ANK1: variants seen among roughly 807,000 people sequenced by gnomAD.
The protein encoded by ANK1 is ankyrin-1.
Under a neutral mutation model 210.4 loss-of-function variants are expected in ANK1, and 51 were observed. The ratio of observed to expected loss-of-function variants is 0.24; its 90% CI spans 0.19 to 0.31. The LOEUF is 0.31. ANK1 is among the 10% of genes least tolerant of loss of function. The pLI is 1.00. For missense variants in ANK1, 2,051 were observed against 2,504.4 expected (o/e 0.82, Z 3.86); for synonymous variants, 967 against 1,025.9 (o/e 0.94, Z 1.10).
At chr8:41,705,874 T>A (rs1824425331) in intron 18 of ANK1, among the ~76,000 whole-genome samples, 1 of 152,228 alleles carries the variant, frequency 6.6e-6, no homozygotes, top group Non-Finnish European at 1.5e-5. Context: ...TGCTAACTAC[T>A]CATGTTAGAC....
intron 1 of ANK1, among the ~76,000 whole-genome samples, chr8:41,884,840 T>C (rs926287777): frequency 6.6e-6 from 1 of 151,622 alleles, no homozygotes; most frequent in Non-Finnish European, 1.5e-5. Context: ...TCAAAATAAA[T>C]AAACAAACAA....
intron 1 of ANK1, among the ~76,000 whole-genome samples, chr8:41,859,840 C>T (rs191341162): frequency 2.6e-5 from 4 of 152,320 alleles, no homozygotes; most frequent in South Asian, 4.2e-4. Context: ...CCAGGCTGGC[C>T]GCAGCAACAA....
chr8:41,695,385 C>A, intron 26 of ANK1, 54 bp from the exon 27 acceptor site: 1 of 1,611,868 alleles, frequency 6.2e-7, no homozygotes, highest in East Asian at 2.2e-5. Context: ...GCAGGCAGGG[C>A]ACAGGGAGGG....
chr8:41,828,650 A>AT (rs2150795588), intron 1 of ANK1: 1 of 154,254 alleles, frequency 6.5e-6, no homozygotes, highest in African/African-American at 2.4e-5. Context: ...TGCCTCTGTT[A>AT]ATTTGATTGT....
intron 1 of ANK1, among the ~76,000 whole-genome samples, chr8:41,824,854 G>A (rs906044315): frequency 2.0e-5 from 3 of 152,210 alleles, no homozygotes; most frequent in Admixed American, 6.5e-5. Flanking sequence ...AAGGCAGGGG[G>A]TGTGGAGGGC....
At chr8:41,657,084 C>T (rs2150530414) in intron 42 of ANK1, among the ~76,000 whole-genome samples, 1 of 152,308 alleles carries the variant, frequency 6.6e-6, no homozygotes, top group South Asian at 2.1e-4. Flanking sequence ...GAGGTTCTGC[C>T]TGCCGCCCTC....
intron 1 of ANK1, among the ~76,000 whole-genome samples, chr8:41,788,503 A>G (rs13253960): frequency 0.45 from 68,028 of 152,028 alleles, 15,886 homozygotes; most frequent in African/African-American, 0.56. Flanking sequence ...GCCAGTCAAT[A>G]TCCCCAATAA....
At chr8:41,871,714 T>C (rs1435931848) in intron 1 of ANK1, among the ~76,000 whole-genome samples, 1 of 152,182 alleles carries the variant, frequency 6.6e-6, no homozygotes, top group Non-Finnish European at 1.5e-5. Context: ...ACAATAAATG[T>C]CTGCTGGTCA....
At chr8:41,734,796 A>T (rs1484076148) in intron 2 of ANK1, among the ~76,000 whole-genome samples, 1 of 151,970 alleles carries the variant, frequency 6.6e-6, no homozygotes, top group Non-Finnish European at 1.5e-5. Context: ...CCAGCTACTC[A>T]GGGGGCTGAG....
chr8:41,884,711 T>C (rs1818158753), intron 1 of ANK1, among the ~76,000 whole-genome samples: 1 of 152,122 alleles, frequency 6.6e-6, no homozygotes, highest in Non-Finnish European at 1.5e-5. Context: ...TGCGTGTCTG[T>C]AGTCCTAGCT....
At chr8:41,658,175 C>T (rs1585752702) in intron 42 of ANK1, among the ~76,000 whole-genome samples, 1 of 152,306 alleles carries the variant, frequency 6.6e-6, no homozygotes, top group East Asian at 1.9e-4. Context: ...CGGCCCTAGA[C>T]AGCCCTTTCA....
In ANK1 at chr8:41,699,449, C is replaced by T. The variant is rs1380792563; in HGVS notation, c.2558+3G>A. On this transcript the variant is annotated splice_donor_region_variant and intron_variant, in intron 23 of 42. Coordinates refer to ENST00000289734, the MANE Select transcript of ANK1 (RefSeq NM_000037.4). ...CGGGGACCCTCCCGGGAGCACTGCT[C>T]ACACTTGGTCTAGCTTCGGCACAAA... 2.6e-5 allele frequency: 42 copies of T among 1,613,922 alleles called. No homozygotes were observed. The Admixed American group carries it at 7.0e-4, about 27-fold the overall frequency.
chr8:41,736,009 T>C (rs954225872), intron 2 of ANK1, among the ~76,000 whole-genome samples: 7 of 151,928 alleles, frequency 4.6e-5, no homozygotes, highest in African/African-American at 1.7e-4. Context: ...CGCCTGAAAA[T>C]GACCACTGGC....
intron 24 of ANK1, chr8:41,697,678 G>A (rs540694007): frequency 5.2e-5 from 19 of 366,588 alleles, no homozygotes; most frequent in East Asian, 2.7e-4. Flanking sequence ...GAGCCTGTCC[G>A]GGGTGCACAG....
At chr8:41,796,427 C>A (rs1334050970) in intron 1 of ANK1, among the ~76,000 whole-genome samples, 8 of 151,870 alleles carry the variant, frequency 5.3e-5, no homozygotes, top group Admixed American at 5.2e-4. Flanking sequence ...TCACCCTGAA[C>A]CTCTGCCCTA....
intron 1 of ANK1, among the ~76,000 whole-genome samples, chr8:41,864,067 G>A (rs113423476): frequency 6.6e-6 from 1 of 152,136 alleles, no homozygotes; most frequent in Non-Finnish European, 1.5e-5. Flanking sequence ...TGGCTAGCAC[G>A]GTGAAACCCC....
At chr8:41,896,546 A>G (rs1385985661) in exon 1 of ANK1, 1 of 1,521,012 alleles carries the variant, frequency 6.6e-7, no homozygotes, top group Non-Finnish European at 8.8e-7. Context: ...CCGAGGCGAC[A>G]CCCCCTAAGA....
At chr8:41,706,096 G>A in intron 18 of ANK1, 47 bp downstream of exon 18, 1 of 1,552,176 alleles carries the variant, frequency 6.4e-7, no homozygotes, top group Non-Finnish European at 8.9e-7. Context: ...ATTCTGAAGT[G>A]TGAGCAAGGA....
Position 41,708,685 on chromosome 8 carries a change from A to T in ANK1, c.1998+93T>A. 2.1e-6 allele frequency: 3 copies of T among 1,408,060 alleles called. No individual in the cohort carries two copies. The South Asian group carries it at 3.5e-5, about 16-fold the overall frequency. The allele number at this position is 1,408,060 out of a possible 1,614,324, so 87.2% of individuals were successfully genotyped here. Reference sequence around the variant, plus strand: ...CAAGGATTACACACACACACCCCTAACTCAGAACCTGGGCACACATAGATG... The same window carrying T: ...CAAGGATTACACACACACACCCCTATCTCAGAACCTGGGCACACATAGATG... On this transcript the variant is annotated intron_variant, in intron 17 of 42. Coordinates refer to ENST00000289734, the MANE Select transcript of ANK1 (RefSeq NM_000037.4).
Sources: gnomAD v4.1 joint callset for allele counts (sites outside exome capture counted in the v4.1 genomes callset) on GRCh38, gnomAD v4.1.1 for gene constraint, MANE v1.5 for transcripts, NCBI Gene and HGNC (gene_info 2026-07-23, HGNC 2026-07-21) for gene names.